Variants in COL16A1 observed in about 807,000 individuals in gnomAD.
The protein encoded by COL16A1 is collagen alpha-1(XVI) chain.
A neutral mutation model predicts 266.3 loss-of-function variants in COL16A1; 189 were observed. That is an observed-to-expected ratio of 0.71 (90% confidence interval 0.63 to 0.80). The LOEUF is 0.80. COL16A1 is among the 30% of genes least tolerant of loss of function. The pLI is 0.00. For synonymous variants in COL16A1, 740 were observed against 782.3 expected, an observed-to-expected ratio of 0.95 and a Z score of 0.90; for missense variants, 1,928 against 2,122.4, an observed-to-expected ratio of 0.91 and a Z score of 1.80.
At chr1:31,673,787 C>T (rs556682368) in intron 44 of COL16A1, among the ~76,000 whole-genome samples, 4 of 152,382 alleles carry the variant, frequency 2.6e-5, no homozygotes, top group Admixed American at 2.0e-4. Flanking sequence ...GTGCTCTCTC[C>T]CCAGGCTTCC....
chr1:31,684,642 G>A lies in COL16A1; in HGVS notation c.2053-12C>T, dbSNP rs771163571. 3 of 1,612,762 alleles carry A rather than the reference G, an allele frequency of 1.9e-6. No individual in the cohort carries two copies. The highest frequency in any genetic ancestry group is 2.7e-5 in the African/African-American group (2 of 75,010). ...TTCCCAGCATCACCCTGTAAGGAGTGGGGTTCAAGGAAAGCAAGGATGGCC... is the reference window on the plus strand; with the variant it reads ...TTCCCAGCATCACCCTGTAAGGAGTAGGGTTCAAGGAAAGCAAGGATGGCC... On this transcript the variant is annotated splice_polypyrimidine_tract_variant and intron_variant, in intron 30 of 70. Coordinates refer to ENST00000373672, the MANE Select transcript of COL16A1 (RefSeq NM_001856.4).
At position 31,658,466 on chromosome 1, in the gene COL16A1, G is replaced by A. The variant is rs775222646; in HGVS notation, c.4020+22C>T. 9 of 1,578,408 alleles carry A rather than the reference G, an allele frequency of 5.7e-6. No individual in the cohort carries two copies. In the South Asian group the frequency reaches 1.0e-4, roughly 18 times the overall value. On this transcript the variant is annotated intron_variant, in intron 64 of 70. Transcript: ENST00000373672. ...AATTGACTCTTTCCCCCTGGGCTAT[G>A]CTGTAGAATGTGGGATCTTACTGGG...
chr1:31,665,242 A>C lies in COL16A1; in HGVS notation c.3493-8T>G. Reference sequence around the variant, plus strand: ...TGGGAATCCAGGGGGACCCTGTATCAACAAAGGGGCAGGCAGGAATGAAAG... The same window carrying C: ...TGGGAATCCAGGGGGACCCTGTATCCACAAAGGGGCAGGCAGGAATGAAAG... On this transcript the variant is annotated splice_polypyrimidine_tract_variant and splice_region_variant and intron_variant, in intron 55 of 70. Coordinates refer to ENST00000373672, the MANE Select transcript of COL16A1 (RefSeq NM_001856.4). The C allele has an allele frequency of 2.5e-6, 4 of 1,590,180 alleles. No homozygotes were observed. Among genetic ancestry groups the C allele is most frequent in the Non-Finnish European group, 3.4e-6 (4 of 1,173,860 alleles).
At position 31,668,807 on chromosome 1, in the gene COL16A1, C is replaced by T. The variant is rs1466265929; in HGVS notation, c.3244G>A (p.Glu1082Lys). The change falls in exon 50 of 71, where the codon GAG (glutamate) becomes AAG (lysine). Residue 1082 changes from glutamate (E) to lysine (K), a missense_variant. Glu to Lys is a moderately conservative substitution (Grantham distance 56). Coordinates refer to ENST00000373672, the MANE Select transcript of COL16A1 (RefSeq NM_001856.4). This position sits in a 1 kb window ranked among gnomAD's most constrained non-coding sequence, Gnocchi z 5.8. ...GLTGLTGDKG[E>K]PGPPGQPGYP... ...CCCTGCCAGCTTCTTCTTACCGGCT[C>T]CCCCTTGTCTCCAGTCAGGCCCGTG... The T allele has an allele frequency of 1.9e-6, 3 of 1,613,738 alleles. No individual in the cohort carries two copies. Among genetic ancestry groups the T allele is most frequent in the Admixed American group, 1.7e-5 (1 of 59,976 alleles).
At chr1:31,661,871 A>C in intron 58 of COL16A1, 167 bp from the exon 59 acceptor site, 1 of 723,330 alleles carries the variant, frequency 1.4e-6, no homozygotes, top group Non-Finnish European at 2.3e-6. Context: ...AGTGACTTCC[A>C]GCCCCTCTCC....
intron 61 of COL16A1, 71 bp from the exon 62 acceptor site, chr1:31,660,709 G>C: frequency 6.2e-7 from 1 of 1,601,918 alleles, no homozygotes. Context: ...TGTCGGATGG[G>C]AGGGGGCTGG....
intron 16 of COL16A1, 131 bp from the exon 17 acceptor site, chr1:31,692,198 A>G (rs1340711760): frequency 9.4e-6 from 13 of 1,386,684 alleles, no homozygotes; most frequent in African/African-American, 4.3e-5. Context: ...AATGGCTTCA[A>G]TCACCACGGG....
intron 63 of COL16A1, 31 bp downstream of exon 63, chr1:31,658,883 G>A: frequency 2.6e-6 from 4 of 1,551,640 alleles, no homozygotes; most frequent in Non-Finnish European, 3.5e-6. Context: ...AAACTCCTGG[G>A]AGGGAGGAAG....
intron 42 of COL16A1, among the ~76,000 whole-genome samples, chr1:31,677,353 TGCTGGGATTACAGG>T (rs1236398977): frequency 6.6e-6 from 1 of 152,212 alleles, no homozygotes; most frequent in East Asian, 1.9e-4. Context: ...CCTCCCAAAG[TGCTGGGATTACAGG>T]CGTGAGCCAC....
At chr1:31,696,919 C>A (rs1367885451) in intron 8 of COL16A1, 44 bp downstream of exon 8, 1 of 1,610,916 alleles carries the variant, frequency 6.2e-7, no homozygotes, top group Non-Finnish European at 8.5e-7. Context: ...GGGTATCTCA[C>A]TTGTGCCTGC....
rs956720224 is a variant in COL16A1, at chr1:31,660,459, C to T, written c.3879+126G>A. The T allele has an allele frequency of 1.0e-5, 13 of 1,271,468 alleles. 1 individual carries two copies. The highest frequency in any genetic ancestry group is 1.9e-4 in the Middle Eastern group (1 of 5,200). The allele number at this position is 1,271,468 out of a possible 1,614,324, so 78.8% of individuals were successfully genotyped here. A position where few individuals can be genotyped will look rare whatever the true frequency, so the allele number is the denominator to read the frequency against. On this transcript the variant is annotated intron_variant, in intron 62 of 70. Transcript: ENST00000373672. The stretch of plus-strand genomic sequence containing the variant: ...TGGAAACCACAGAAGGAGTGGCCCC[C>T]GTGCTCCCACGGCTGGGGCAGCCCC...
At position 31,654,795 on chromosome 1, in the gene COL16A1, C is replaced by G. The variant is rs1439519662; in HGVS notation, c.4354G>C (p.Asp1452His). The change falls in exon 68 of 71, where the codon GAT becomes CAT. Residue 1452 changes from aspartate to histidine, a missense_variant. This residue lies in a region of COL16A1 where 376 missense variants were observed against 485.2 expected (regional missense o/e 0.77). Coordinates refer to ENST00000373672, the MANE Select transcript of COL16A1 (RefSeq NM_001856.4). ...CACCCAGCTGGCTGCCAGTTACCAT[C>G]AAACATTTTAATGATCTCTTGTCTG... Reference protein sequence around the residue: ...FIRQEIIKMFDERMAYYTSRM... With the variant: ...FIRQEIIKMFHERMAYYTSRM... 6.2e-7 allele frequency: 1 copy of G among 1,613,888 alleles called. No homozygotes were observed. The highest frequency in any genetic ancestry group is 8.5e-7 in the Non-Finnish European group (1 of 1,179,994).
intron 20 of COL16A1, 75 bp from the exon 21 acceptor site, chr1:31,690,648 G>T: frequency 1.9e-6 from 3 of 1,563,006 alleles, no homozygotes; most frequent in Admixed American, 1.8e-5. Context: ...TTCCCCACCC[G>T]TGCCCCTCTG....
intron 51 of COL16A1, among the ~76,000 whole-genome samples, chr1:31,667,891 T>C (rs1272303041): frequency 3.3e-5 from 5 of 151,988 alleles, no homozygotes; most frequent in African/African-American, 1.2e-4. Flanking sequence ...CCCAAACCCC[T>C]CACCCCCAGG....
intron 36 of COL16A1, 84 bp downstream of exon 36, chr1:31,683,110 C>G (rs948695307): frequency 7.5e-5 from 121 of 1,608,848 alleles, no homozygotes; most frequent in Non-Finnish European, 9.9e-5. Flanking sequence ...TGATAGGCAT[C>G]ACTTGGCCCC....
At chr1:31,661,784 TC>T in intron 58 of COL16A1, 80 bp from the exon 59 acceptor site, 1 of 1,430,896 alleles carries the variant, frequency 7.0e-7, no homozygotes, top group Non-Finnish European at 9.5e-7. Flanking sequence ...CTCCCCTCTC[TC>T]CAGCCCTCCC....
In COL16A1 at chr1:31,703,377, C is replaced by A. The variant is rs147832676; in HGVS notation, c.-35+460G>T. On this transcript the variant is annotated intron_variant, in intron 1 of 70. Transcript: ENST00000373672. ...AGATAGGACTCCAGCCCCCTTCTCCCTGGGACAGAACTGTGCCCCCAGCCT... is the reference window on the plus strand; with the variant it reads ...AGATAGGACTCCAGCCCCCTTCTCCATGGGACAGAACTGTGCCCCCAGCCT... 4.8e-4 allele frequency among the ~76,000 whole-genome samples: 73 copies of A among 152,276 alleles called. No individual in the cohort carries two copies. The East Asian group carries it at 9.5e-3, about 20-fold the overall frequency.
At chr1:31,696,331 C>A (rs546068959) in intron 8 of COL16A1, among the ~76,000 whole-genome samples, 190 bp from the exon 9 acceptor site, 3 of 140,256 alleles carry the variant, frequency 2.1e-5, no homozygotes, top group Admixed American at 7.0e-5. Context: ...CTTCCCCCCC[C>A]ACCCACCCAT....
Position 31,685,915 on chromosome 1 carries a change from G to A in COL16A1, c.1885-145C>T. 1.3e-6 allele frequency: 2 copies of A among 1,494,598 alleles called. No individual in the cohort carries two copies. The highest frequency in any genetic ancestry group is 1.8e-4 in the Middle Eastern group (1 of 5,604). The allele number at this position is 1,494,598 out of a possible 1,614,324, so 92.6% of individuals were successfully genotyped here. ...GGTTATCTTGGGAAAGATGAAGGGA[G>A]AACAGGAAAGAAACAAAGGTGGAGC... is the stretch of plus-strand genomic sequence containing the variant. On this transcript the variant is annotated intron_variant, in intron 28 of 70. Coordinates refer to ENST00000373672, the MANE Select transcript of COL16A1 (RefSeq NM_001856.4). The surrounding 1 kb of genome is among the most constrained non-coding windows in gnomAD (Gnocchi z 4.0).
Sources: gnomAD v4.1 joint callset for allele counts (sites outside exome capture counted in the v4.1 genomes callset) on GRCh38, gnomAD v4.1.1 for gene constraint, gnomAD v4.1.1 regional missense constraint, Gnocchi (gnomAD v3.1) non-coding constraint, MANE v1.5 for transcripts, NCBI Gene and HGNC (gene_info 2026-07-23, HGNC 2026-07-21) for gene names.